CCNDBP1: variants seen among roughly 807,000 people sequenced by gnomAD.
CCNDBP1 encodes the protein cyclin-D1-binding protein 1.
Under a neutral mutation model 46.2 loss-of-function variants are expected in CCNDBP1, and 45 were observed. The ratio of observed to expected loss-of-function variants is 0.97; its 90% CI spans 0.77 to 1.25. The LOEUF is 1.25. Among genes scored for constraint, CCNDBP1 ranks in the 50% most tolerant of loss-of-function variants. CCNDBP1 has a pLI of 0.00. For synonymous variants in CCNDBP1, 154 were observed against 163.6 expected (o/e 0.94, Z 0.45); for missense variants, 436 against 442.1 (o/e 0.99, Z 0.12).
chr15:43,195,598 TA>T lies in CCNDBP1; in HGVS notation c.*759del. 6.6e-6 allele frequency: 1 copy of T among 152,348 alleles called. No individual in the cohort carries two copies. Among genetic ancestry groups the T allele is most frequent in the South Asian group, 2.1e-4 (1 of 4,830 alleles). 9.4% of individuals were successfully genotyped at this position (152,348 alleles called of 1,614,324 possible). ...GTGTGTAAGAGATTTTATGTAATTT[TA>T]AGGGCCTTTTCAGTTCATCCTTTTG... On this transcript the variant is annotated 3_prime_UTR_variant, in exon 11 of 11. Coordinates refer to ENST00000300213, the MANE Select transcript of CCNDBP1 (RefSeq NM_012142.5).
rs539212345 is a variant in CCNDBP1, at chr15:43,186,796, C to T, written c.249+563C>T. 3.9e-5 allele frequency among the ~76,000 whole-genome samples: 6 copies of T among 152,298 alleles called. No homozygotes were observed. The East Asian group carries it at 7.7e-4, about 20-fold the overall frequency. On this transcript the variant is annotated intron_variant, in intron 3 of 10. Transcript: ENST00000300213. ...CCCCAGTTCCTTTTGCATTATTCCA[C>T]GTATATTCTGTGCATATATACATTC...
chr15:43,191,563 G>A lies in CCNDBP1; in HGVS notation c.748G>A (p.Ala250Thr). 5 of 1,614,096 alleles carry A rather than the reference G, an allele frequency of 3.1e-6. No homozygotes were observed. The highest frequency in any genetic ancestry group is 4.2e-6 in the Non-Finnish European group (5 of 1,180,020). The change falls in exon 8 of 11, where the codon GCA becomes ACA. Residue 250 changes from alanine to threonine, a missense_variant. Ala to Thr is a moderately conservative substitution (Grantham distance 58, BLOSUM62 0). Transcript: ENST00000300213. The stretch of plus-strand genomic sequence containing the variant: ...AATCCCATGCCTTGCGCTGGTGAGA[G>A]CATCCAAAGCCTGCCTGAAGAAAAT... ...LIIPCLALVR[A>T]SKACLKKIRM...
At chr15:43,189,997 A>T (rs1039719359) in intron 4 of CCNDBP1, 58 bp from the exon 5 acceptor site, 6 of 1,427,800 alleles carry the variant, frequency 4.2e-6, no homozygotes, top group Non-Finnish European at 5.9e-6. Flanking sequence ...GACTCAGGAA[A>T]GCAGATGGTG....
intron 1 of CCNDBP1, 22 bp from the exon 2 acceptor site, chr15:43,185,798 C>T (rs374569138): frequency 3.0e-5 from 48 of 1,608,418 alleles, no homozygotes; most frequent in Non-Finnish European, 3.6e-5. Flanking sequence ...ACCGTTCGGC[C>T]CCCACACGCC....
chr15:43,186,708 A>G (rs1193547501), intron 3 of CCNDBP1, among the ~76,000 whole-genome samples: 3 of 152,350 alleles, frequency 2.0e-5, no homozygotes, highest in East Asian at 1.9e-4. Context: ...AGATAGTACA[A>G]AATTCAACAG....
rs1304154403 is a variant in CCNDBP1, at chr15:43,191,510, A to G, written c.695A>G (p.Tyr232Cys). 1.2e-6 allele frequency: 2 copies of G among 1,614,154 alleles called. No individual in the cohort carries two copies. The highest frequency in any genetic ancestry group is 2.2e-5 in the East Asian group (1 of 44,876). ...VLGFPSNQDL[Y>C]WSEDDQELII... is the part of the protein sequence containing the mutation. ...GGGTTTCCCAGCAATCAGGACTTGTATTGGTCAGAGGACGATCAAGAGCTC... is the reference window on the plus strand; with the variant it reads ...GGGTTTCCCAGCAATCAGGACTTGTGTTGGTCAGAGGACGATCAAGAGCTC... Residue 232 changes from tyrosine (Y) to cysteine (C), a missense_variant, in exon 8 of 11, where the codon TAT becomes TGT. Physicochemically the swap from Tyr to Cys is radical, Grantham distance 194. Coordinates refer to ENST00000300213, the MANE Select transcript of CCNDBP1 (RefSeq NM_012142.5).
chr15:43,188,271 A>G (rs767460694), intron 3 of CCNDBP1, among the ~76,000 whole-genome samples: 1 of 152,170 alleles, frequency 6.6e-6, no homozygotes, highest in Non-Finnish European at 1.5e-5. Flanking sequence ...AATAGTTAAC[A>G]TGGAGCATTG....
intron 9 of CCNDBP1, 141 bp from the exon 10 acceptor site, chr15:43,194,273 CT>C: frequency 1.7e-6 from 1 of 579,030 alleles, no homozygotes; most frequent in Non-Finnish European, 2.9e-6. Flanking sequence ...CCACCCTAAC[CT>C]AATCAGCATT....
chr15:43,189,101 A>AAAAAGT, intron 3 of CCNDBP1, 98 bp from the exon 4 acceptor site: 1 of 163,992 alleles, frequency 6.1e-6, no homozygotes, highest in Non-Finnish European at 1.1e-5. Flanking sequence ...AAAAAAAAAA[A>AAAAAGT]AAAGAAAAAG....
At position 43,190,035 on chromosome 15, in the gene CCNDBP1, T is replaced by C. The variant is rs776370103; in HGVS notation, c.332-20T>C. On this transcript the variant is annotated intron_variant, in intron 4 of 10. Coordinates refer to ENST00000300213, the MANE Select transcript of CCNDBP1 (RefSeq NM_012142.5). ...TCTGAAAAGAACACCAGGTTGCTTATTCTTTGGGTTTGGCCACAGGGATCA... is the reference window on the plus strand; with the variant it reads ...TCTGAAAAGAACACCAGGTTGCTTACTCTTTGGGTTTGGCCACAGGGATCA... The C allele has an allele frequency of 4.3e-6, 7 of 1,611,682 alleles. No homozygotes were observed. The South Asian group carries it at 6.6e-5, about 15-fold the overall frequency.
Position 43,185,551 on chromosome 15 carries a change from T to C in CCNDBP1, c.53T>C (p.Leu18Ser), listed in dbSNP as rs774984541. 1.9e-5 allele frequency: 31 copies of C among 1,595,182 alleles called. 1 individual carries two copies. In the South Asian group the frequency reaches 2.5e-4, roughly 13 times the overall value. The change falls in exon 1 of 11, where the codon TTG becomes TCG. Residue 18 changes from leucine (L) to serine (S), a missense_variant. Coordinates refer to ENST00000300213, the MANE Select transcript of CCNDBP1 (RefSeq NM_012142.5). ...AAAVPTLASP[L>S]EQLRHLAEEL... ...GCAGTCCCCACCCTGGCTTCGCCTT[T>C]GGAGCAGCTCCGGCACTTGGCGGAG...
intron 3 of CCNDBP1, 78 bp from the exon 4 acceptor site, chr15:43,189,121 A>G: frequency 1.7e-6 from 1 of 598,332 alleles, no homozygotes; most frequent in Non-Finnish European, 2.9e-6. Context: ...GAAAGAAAAG[A>G]AAAAGAAAAG....
At chr15:43,191,147 T>C (rs2041943309) in intron 7 of CCNDBP1, 105 bp downstream of exon 7, 3 of 945,898 alleles carry the variant, frequency 3.2e-6, no homozygotes, top group Non-Finnish European at 5.0e-6. Flanking sequence ...CCATTCTCAC[T>C]ACTGTCCTCT....
chr15:43,185,973 TC>T, intron 2 of CCNDBP1, 94 bp downstream of exon 2: 2 of 1,290,848 alleles, frequency 1.5e-6, no homozygotes, highest in Non-Finnish European at 1.1e-6. Context: ...GGGACTGCTC[TC>T]CCCCGCTGCA....
chr15:43,194,504 G>T (rs560808540), intron 10 of CCNDBP1, 43 bp downstream of exon 10: 19 of 1,493,350 alleles, frequency 1.3e-5, no homozygotes, highest in Non-Finnish European at 1.5e-5. Context: ...TGAGTAAAAC[G>T]GAACTGCTGT....
chr15:43,189,885 G>A, intron 4 of CCNDBP1, 170 bp from the exon 5 acceptor site: 1 of 574,814 alleles, frequency 1.7e-6, no homozygotes, highest in Non-Finnish European at 3.1e-6. Context: ...TGGCAGGAGG[G>A]GCAAGAAAAT....
rs1310490865 is a variant in CCNDBP1 at position 43,194,558 on chromosome 15, A to G, written c.968+97A>G. 2.8e-6 allele frequency: 3 copies of G among 1,085,704 alleles called. 1 individual carries two copies. The African/African-American group carries it at 4.8e-5, about 17-fold the overall frequency. The allele number at this position is 1,085,704 out of a possible 1,614,324, so 67.3% of individuals were successfully genotyped here. On this transcript the variant is annotated intron_variant, in intron 10 of 10. Coordinates refer to ENST00000300213, the MANE Select transcript of CCNDBP1 (RefSeq NM_012142.5). ...CTAGCTCCCATTTCAAGGAGTGGGAAAGGGTGGGTGTGGGATTTTCTTTCA... is the reference window on the plus strand; with the variant it reads ...CTAGCTCCCATTTCAAGGAGTGGGAGAGGGTGGGTGTGGGATTTTCTTTCA...
rs547580976 is a variant in CCNDBP1 at position 43,196,642 on chromosome 15, C to T, written c.*1801C>T. 6.5e-6 allele frequency: 1 copy of T among 152,676 alleles called. No homozygotes were observed. The highest frequency in any genetic ancestry group is 2.1e-4 in the South Asian group (1 of 4,838). 9.5% of individuals were successfully genotyped at this position (152,676 alleles called of 1,614,324 possible). On this transcript the variant is annotated 3_prime_UTR_variant, in exon 11 of 11. Coordinates refer to ENST00000300213, the MANE Select transcript of CCNDBP1 (RefSeq NM_012142.5). ...AATTCCATTTTGGGATAATATCCCA[C>T]TTCATCAGAAATATTAGAATGATTT...
intron 3 of CCNDBP1, 43 bp from the exon 4 acceptor site, chr15:43,189,156 G>T: frequency 1.0e-6 from 1 of 979,116 alleles, no homozygotes; most frequent in South Asian, 1.4e-5. Flanking sequence ...TTCCACAGCA[G>T]AAGGGTTGAC....
Sources: gnomAD v4.1 joint callset for allele counts (sites outside exome capture counted in the v4.1 genomes callset) on GRCh38, gnomAD v4.1.1 for gene constraint, MANE v1.5 for transcripts, NCBI Gene and HGNC (gene_info 2026-07-23, HGNC 2026-07-21) for gene names.